DCDC1: variants seen among roughly 807,000 people sequenced by gnomAD.
DCDC1 encodes doublecortin domain-containing protein 1.
A neutral mutation model predicts 178.3 loss-of-function variants in DCDC1; 200 were observed. That is an observed-to-expected ratio of 1.12 (90% CI 1.00 to 1.26). The LOEUF is 1.26. Ranked by LOEUF, DCDC1 falls within the 50% of genes most tolerant of loss-of-function variation. The pLI, the probability that DCDC1 is intolerant of heterozygous loss-of-function variation, is 0.00. For synonymous variants in DCDC1, 690 were observed against 604.8 expected, an observed-to-expected ratio of 1.14 and a Z score of -2.07; for missense variants, 1,983 against 1,749.2, an observed-to-expected ratio of 1.13 and a Z score of -2.38.
intron 9 of DCDC1, among the ~76,000 whole-genome samples, chr11:31,170,401 C>G (rs1401870270): frequency 1.3e-5 from 2 of 152,116 alleles, no homozygotes; most frequent in African/African-American, 4.8e-5. Flanking sequence ...TTAAAGAGTT[C>G]ATATCAATGC....
In DCDC1 at chr11:31,106,744, A is replaced by G; in HGVS notation, c.1751+53T>C. ...CTTGACTTCTCAAATCCGCTTTCAAATTAGCTCTCCCCTGGAAAGATTGAG... is the reference window on the plus strand; with the variant it reads ...CTTGACTTCTCAAATCCGCTTTCAAGTTAGCTCTCCCCTGGAAAGATTGAG... On this transcript the variant is annotated intron_variant, in intron 13 of 38. Coordinates refer to ENST00000684477, the MANE Select transcript of DCDC1 (RefSeq NM_001387274.1). 5 of 740,220 alleles carry G rather than the reference A, an allele frequency of 6.8e-6. No homozygotes were observed. The South Asian group carries it at 7.2e-5, about 11-fold the overall frequency. The allele number at this position is 740,220 out of a possible 1,614,324, so 45.9% of individuals were successfully genotyped here. A position where few individuals can be genotyped will look rare whatever the true frequency, so the allele number is the denominator to read the frequency against.
chr11:31,092,578 A>G (rs1957884058), intron 16 of DCDC1, among the ~76,000 whole-genome samples: 1 of 152,226 alleles, frequency 6.6e-6, no homozygotes, highest in Admixed American at 6.5e-5. Flanking sequence ...CCAATGTCAC[A>G]CAAGAGATTT....
intron 8 of DCDC1, among the ~76,000 whole-genome samples, chr11:31,263,356 T>C (rs1591577656): frequency 6.6e-6 from 1 of 152,026 alleles, no homozygotes; most frequent in Non-Finnish European, 1.5e-5. Flanking sequence ...GAGACAAAAA[T>C]GCAAGAAAGA....
chr11:31,137,651 A>G (rs1963315727), intron 10 of DCDC1, 41 bp downstream of exon 10: 1 of 698,686 alleles, frequency 1.4e-6, no homozygotes, highest in Non-Finnish European at 2.6e-6. Context: ...CCTGGCCCTC[A>G]TTGCAGTTTT....
intron 9 of DCDC1, among the ~76,000 whole-genome samples, chr11:31,208,851 C>T (rs1460796532): frequency 1.3e-5 from 2 of 152,204 alleles, no homozygotes; most frequent in African/African-American, 2.4e-5. Context: ...CAGAGACTGC[C>T]TTATCAACAA....
At chr11:31,218,236 A>T (rs1973821477) in intron 9 of DCDC1, among the ~76,000 whole-genome samples, 1 of 152,138 alleles carries the variant, frequency 6.6e-6, no homozygotes, top group African/African-American at 2.4e-5. Flanking sequence ...AAGTTCTCAC[A>T]AAAGCCAAAA....
intron 9 of DCDC1, among the ~76,000 whole-genome samples, chr11:31,174,762 A>T (rs1005400198): frequency 6.6e-6 from 1 of 152,060 alleles, no homozygotes; most frequent in African/African-American, 2.4e-5. Context: ...TGTGGAGAGG[A>T]GCTACCCACT....
intron 6 of DCDC1, among the ~76,000 whole-genome samples, chr11:31,293,209 T>C (rs1010960290): frequency 2.6e-5 from 4 of 152,178 alleles, no homozygotes; most frequent in Non-Finnish European, 5.9e-5. Flanking sequence ...AGTATATTAA[T>C]TGTTACATCA....
intron 9 of DCDC1, among the ~76,000 whole-genome samples, chr11:31,163,350 C>T (rs1328346407): frequency 1.3e-5 from 2 of 152,024 alleles, no homozygotes; most frequent in Non-Finnish European, 2.9e-5. Context: ...TTTATGAACA[C>T]AATAAATGGA....
intron 7 of DCDC1, among the ~76,000 whole-genome samples, chr11:31,290,359 G>T (rs1429607605): frequency 6.6e-6 from 1 of 151,990 alleles, no homozygotes; most frequent in East Asian, 1.9e-4. Context: ...TAATTAGAAT[G>T]TTTAGAATGT....
intron 9 of DCDC1, among the ~76,000 whole-genome samples, chr11:31,193,302 G>A (rs1181900892): frequency 2.0e-5 from 3 of 151,900 alleles, no homozygotes; most frequent in Admixed American, 2.0e-4. Context: ...TACAAGGACT[G>A]TCTCCCTCAA....
At chr11:31,173,077 T>A (rs208086) in intron 9 of DCDC1, among the ~76,000 whole-genome samples, 90,272 of 152,048 alleles carry the variant, frequency 0.59, 27,254 homozygotes, top group East Asian at 0.93. Context: ...ACAGATGACC[T>A]CGAGGATTAT....
chr11:30,865,522 C>T (rs1940904264), intron 38 of DCDC1, among the ~76,000 whole-genome samples, 190 bp from the exon 39 acceptor site: 3 of 152,046 alleles, frequency 2.0e-5, no homozygotes, highest in African/African-American at 7.2e-5. Context: ...CCCTTCAAGG[C>T]CTGATGTGAG....
intron 20 of DCDC1, among the ~76,000 whole-genome samples, chr11:31,007,618 G>A (rs1317912059): frequency 6.6e-6 from 1 of 152,116 alleles, no homozygotes; most frequent in Non-Finnish European, 1.5e-5. Context: ...GCTCCTTCAA[G>A]TCACTTGGGA....
intron 20 of DCDC1, among the ~76,000 whole-genome samples, chr11:30,977,938 A>G (rs943829059): frequency 1.3e-5 from 2 of 152,232 alleles, no homozygotes; most frequent in East Asian, 1.9e-4. Context: ...TCCTAAAAAA[A>G]CCAAACAGTA....
chr11:30,954,274 C>CA (rs1368145553), intron 20 of DCDC1, among the ~76,000 whole-genome samples: 4 of 151,922 alleles, frequency 2.6e-5, no homozygotes, highest in African/African-American at 9.7e-5. Context: ...CTCGGCCTCC[C>CA]AAAGTGCTGG....
At chr11:31,296,979 C>A (rs1183066387) in intron 6 of DCDC1, among the ~76,000 whole-genome samples, 8 of 152,152 alleles carry the variant, frequency 5.3e-5, no homozygotes, top group Non-Finnish European at 4.4e-5. Flanking sequence ...CCATATCAAC[C>A]AGGGAACCCT....
chr11:31,117,204 C>T (rs1350354435), intron 11 of DCDC1, among the ~76,000 whole-genome samples: 1 of 151,986 alleles, frequency 6.6e-6, no homozygotes, highest in Non-Finnish European at 1.5e-5. Flanking sequence ...TTTCTGGTAC[C>T]CCTCAGAGGC....
At chr11:31,143,134 A>G (rs1186232806) in intron 9 of DCDC1, among the ~76,000 whole-genome samples, 2 of 152,174 alleles carry the variant, frequency 1.3e-5, no homozygotes, top group African/African-American at 2.4e-5. Flanking sequence ...GCACATCATA[A>G]TGGCCAAATG....
Sources: gnomAD v4.1 joint callset for allele counts (sites outside exome capture counted in the v4.1 genomes callset) on GRCh38, gnomAD v4.1.1 for gene constraint, MANE v1.5 for transcripts, NCBI Gene and HGNC (gene_info 2026-07-23, HGNC 2026-07-21) for gene names.